The following GPR89B variants were observed in gnomAD, a reference collection of about 807,000 sequenced individuals.
GPR89B encodes the protein golgi pH regulator B.
GPR89B carries 25 observed loss-of-function variants against 52.4 expected under a neutral mutation model. The observed-to-expected ratio is 0.48, with a 90% CI of 0.35 to 0.67. The LOEUF (loss-of-function observed/expected upper bound fraction) is 0.67. GPR89B is among the 30% of genes least tolerant of loss of function. The pLI, the probability that GPR89B is intolerant of heterozygous loss-of-function variation, is 0.01. For synonymous variants in GPR89B, 52 were observed against 151.2 expected, an observed-to-expected ratio of 0.34 and a Z score of 4.81; for missense variants, 146 against 450.2, an observed-to-expected ratio of 0.32 and a Z score of 6.11.
chr1:147,992,443 T>G (rs1403533316), intron 12 of GPR89B, 59 bp from the exon 13 acceptor site: 24 of 1,575,166 alleles, frequency 1.5e-5, no homozygotes, highest in Non-Finnish European at 1.9e-5. Flanking sequence ...TATTTCTTAC[T>G]GTTCGTGACA....
Position 147,940,357 on chromosome 1 carries a change from T to G in GPR89B, c.206+1540T>G, listed in dbSNP as rs587642442. Among the ~76,000 whole-genome samples, 806 of 151,684 alleles carry G rather than the reference T, an allele frequency of 5.3e-3. 8 individuals are homozygous for G. Among genetic ancestry groups the G allele is most frequent in the Non-Finnish European group, 6.8e-3 (462 of 67,822 alleles). On this transcript the variant is annotated intron_variant, in intron 3 of 13. Coordinates refer to ENST00000314163, the MANE Select transcript of GPR89B (RefSeq NM_016334.5). ...GGCAGAGCTTGCAGTGAGCCGAGAT[T>G]GTGCCACTGCACTCCAGCCTGGGCG...
At chr1:148,017,436 A>C in the GPR89B span, among the ~76,000 whole-genome samples, 1 of 150,712 alleles carries the variant, frequency 6.6e-6, no homozygotes, top group Admixed American at 6.6e-5. Context: ...AACCATTCAC[A>C]TTTTAAAGTT....
At chr1:147,991,483 A>G (rs1390927158) in intron 12 of GPR89B, among the ~76,000 whole-genome samples, 7 of 152,080 alleles carry the variant, frequency 4.6e-5, no homozygotes, top group African/African-American at 9.7e-5. Flanking sequence ...TTCCAACACT[A>G]TGTTGAATAA....
At chr1:147,936,855 AG>A (rs1394653664) in intron 2 of GPR89B, among the ~76,000 whole-genome samples, 169 bp downstream of exon 2, 2 of 152,156 alleles carry the variant, frequency 1.3e-5, no homozygotes, top group African/African-American at 4.8e-5. Flanking sequence ...TTGATTTAAA[AG>A]GGGGGAAAAA....
rs6593826 is a variant in GPR89B, at chr1:147,928,621, C to T, written c.42+43C>T. On this transcript the variant is annotated intron_variant, in intron 1 of 13. Coordinates refer to ENST00000314163, the MANE Select transcript of GPR89B (RefSeq NM_016334.5). ...GCCCCGACACCCGTCCGCCTCCCTT[C>T]ACCGAATCGCCCTCTCCGGTCCTCC... 9,029 of 1,607,664 alleles carry T rather than the reference C, an allele frequency of 5.6e-3. 499 individuals are homozygous for T. The African/African-American group carries it at 0.11, about 19-fold the overall frequency.
chr1:148,011,907 G>A, the GPR89B span: 2 of 152,110 alleles, frequency 1.3e-5, no homozygotes, highest in African/African-American at 2.4e-5. Flanking sequence ...GGATCTGAGG[G>A]GCATTGGGGT....
chr1:148,008,634 A>C, the GPR89B span, among the ~76,000 whole-genome samples: 11 of 152,190 alleles, frequency 7.2e-5, no homozygotes, highest in Non-Finnish European at 1.3e-4. Flanking sequence ...AATACCCCAG[A>C]GCCACGGTCA....
intron 12 of GPR89B, among the ~76,000 whole-genome samples, chr1:147,988,732 C>T (rs1326013223): frequency 4.7e-4 from 71 of 150,138 alleles, no homozygotes; most frequent in African/African-American, 1.5e-3. Flanking sequence ...GGTGTGGTGG[C>T]ACATGCCTGT....
intron 1 of GPR89B, among the ~76,000 whole-genome samples, chr1:147,930,084 G>C (rs1369424242): frequency 6.6e-6 from 1 of 152,148 alleles, no homozygotes; most frequent in Non-Finnish European, 1.5e-5. Flanking sequence ...TTTTTAGCAT[G>C]GATATAATTG....
downstream of GPR89B, chr1:147,995,521 C>G: frequency 2.0e-6 from 3 of 1,497,600 alleles, no homozygotes; most frequent in Non-Finnish European, 2.8e-6. Context: ...CAAACATAGA[C>G]ATTAAATATA....
the GPR89B span, among the ~76,000 whole-genome samples, chr1:148,000,149 C>T: frequency 6.6e-6 from 1 of 151,674 alleles, no homozygotes; most frequent in Non-Finnish European, 1.5e-5. Context: ...GAAATTTATT[C>T]TTATTTCTTT....
At chr1:147,983,250 G>A (rs1246407949) in intron 10 of GPR89B, among the ~76,000 whole-genome samples, 88 of 151,222 alleles carry the variant, frequency 5.8e-4, no homozygotes, top group African/African-American at 2.0e-3. Context: ...TACCATTCAG[G>A]ACATAGGCAT....
chr1:147,991,301 A>T (rs1345551499), intron 12 of GPR89B, among the ~76,000 whole-genome samples: 1 of 152,072 alleles, frequency 6.6e-6, no homozygotes, highest in African/African-American at 2.4e-5. Flanking sequence ...TTGATTTTGT[A>T]TCCTGAGACT....
downstream of GPR89B, among the ~76,000 whole-genome samples, chr1:147,998,068 A>G (rs1659358172): frequency 2.0e-5 from 3 of 151,674 alleles, no homozygotes; most frequent in South Asian, 6.3e-4. Context: ...AACAGGATTG[A>G]TTTTTTTGTA....
chr1:148,009,912 A>G, the GPR89B span, among the ~76,000 whole-genome samples: 1 of 152,136 alleles, frequency 6.6e-6, no homozygotes, highest in Non-Finnish European at 1.5e-5. Context: ...GAGGGAGGAA[A>G]GAAAGGGGAA....
intron 1 of GPR89B, among the ~76,000 whole-genome samples, chr1:147,934,358 G>A (rs587669214): frequency 6.6e-6 from 1 of 152,044 alleles, no homozygotes; most frequent in Non-Finnish European, 1.5e-5. Context: ...TGTATTTTTT[G>A]TAGAGATGGG....
At chr1:147,983,593 C>A (rs1397001455) in intron 10 of GPR89B, among the ~76,000 whole-genome samples, 1 of 152,100 alleles carries the variant, frequency 6.6e-6, no homozygotes, top group African/African-American at 2.4e-5. Flanking sequence ...CCATCACTGG[C>A]CATCAGAGAA....
rs587631768 is a variant in GPR89B, at chr1:147,928,665, G to T, written c.42+87G>T. 12 of 1,566,718 alleles carry T rather than the reference G, an allele frequency of 7.7e-6. No individual in the cohort carries two copies. The East Asian group carries it at 2.0e-4, about 26-fold the overall frequency. The stretch of plus-strand genomic sequence containing the variant: ...GTCCTCCGCGGTGCGGGCTGGTCCG[G>T]GGTCTCGCTCCTCTCTTACGCGGCC... On this transcript the variant is annotated intron_variant, in intron 1 of 13. Coordinates refer to ENST00000314163, the MANE Select transcript of GPR89B (RefSeq NM_016334.5).
In GPR89B at chr1:147,954,322, G is replaced by C. The variant is rs1390794839; in HGVS notation, c.537G>C (p.Arg179Ser). Residue 179 changes from arginine to serine, a missense_variant and splice_region_variant, in exon 7 of 14, where the codon AGG becomes AGC. Physicochemically the swap from Arg to Ser is moderately radical, Grantham distance 110. Coordinates refer to ENST00000314163, the MANE Select transcript of GPR89B (RefSeq NM_016334.5). ...TGCTAGCAGTTTGTGCTTTTTGTAGGAATGTGACTGACACGGATATTCTAG... is the reference window on the plus strand; with the variant it reads ...TGCTAGCAGTTTGTGCTTTTTGTAGCAATGTGACTGACACGGATATTCTAG... ...CPYTYMSYFL[R>S]NVTDTDILAL... 2 of 288,626 alleles carry C rather than the reference G, an allele frequency of 6.9e-6. No individual in the cohort carries two copies. Among genetic ancestry groups the C allele is most frequent in the Non-Finnish European group, 1.1e-5 (2 of 175,232 alleles). 17.9% of individuals were successfully genotyped at this position (288,626 alleles called of 1,614,324 possible).
Sources: allele counts gnomAD v4.1 joint callset (sites outside exome capture counted in the v4.1 genomes callset), GRCh38; gene constraint gnomAD v4.1.1; transcripts MANE v1.5; gene names NCBI Gene and HGNC (gene_info 2026-07-23, HGNC 2026-07-21).